The following ASPH variants were observed in gnomAD, a reference collection of about 807,000 sequenced individuals.
ASPH encodes the protein aspartyl/asparaginyl beta-hydroxylase.
Under a neutral mutation model 118.4 loss-of-function variants are expected in ASPH, and 100 were observed. That is an observed-to-expected ratio of 0.84 (90% CI 0.72 to 1.00). The LOEUF (loss-of-function observed/expected upper bound fraction) is 1.00, where lower values mean the gene tolerates loss of function less well. ASPH is among the 50% of genes least tolerant of loss of function. The probability of loss-of-function intolerance (pLI) is 0.00; values close to 1 mark genes in which losing one functional copy is unlikely to be tolerated. For missense variants in ASPH, 920 were observed against 919.5 expected (o/e 1.00, Z -0.01); for synonymous variants, 315 against 325.6 (o/e 0.97, Z 0.35).
At chr8:61,550,407 A>G (rs1357068689) in intron 20 of ASPH, among the ~76,000 whole-genome samples, 2 of 146,882 alleles carry the variant, frequency 1.4e-5, no homozygotes, top group East Asian at 2.0e-4. Context: ...CTTTCTTCCA[A>G]TCGTTGCTAT....
Position 61,562,839 on chromosome 8 carries a change from G to A in ASPH, c.1342C>T (p.Gln448Ter). ...GSLLTLQRLV[Q>*]LFPNDTSLKN... ...AAGGAAGTATCATTGGGAAATAGTT[G>A]AACTAATCTCTGCAGGGTAAGCAGG... Residue 448 changes from glutamine to a stop codon, truncating the protein, a stop_gained, in exon 18 of 25, where the codon CAA becomes TAA. Transcript: ENST00000379454. LOFTEE classifies it high-confidence loss of function. 6.2e-7 allele frequency: 1 copy of A among 1,612,264 alleles called. No homozygotes were observed. Among genetic ancestry groups the A allele is most frequent in the Non-Finnish European group, 8.5e-7 (1 of 1,179,320 alleles).
At chr8:61,573,631 T>C (rs1330151685) in intron 16 of ASPH, among the ~76,000 whole-genome samples, 1 of 152,196 alleles carries the variant, frequency 6.6e-6, no homozygotes, top group East Asian at 1.9e-4. Flanking sequence ...CCCTATTTAA[T>C]AAATGGTATT....
rs1464040379 is a variant in ASPH, at chr8:61,500,972, T to TTAA, written c.*2384_*2386dup. The TTAA allele has an allele frequency of 2.6e-5, 4 of 152,218 alleles. No homozygotes were observed. The highest frequency in any genetic ancestry group is 4.4e-5 in the Non-Finnish European group (3 of 68,036). 9.4% of individuals were successfully genotyped at this position (152,218 alleles called of 1,614,324 possible). A position where few individuals can be genotyped will look rare whatever the true frequency, so the allele number is the denominator to read the frequency against. On this transcript the variant is annotated 3_prime_UTR_variant, in exon 25 of 25. Coordinates refer to ENST00000379454, the MANE Select transcript of ASPH (RefSeq NM_004318.4). ...TCTCTTTCTCAATGGATCTAATGTT[T>TTAA]TAATTTTTTCCCCTATTGGTAGAGA...
chr8:61,652,299 C>A (rs138967854), intron 4 of ASPH, among the ~76,000 whole-genome samples: 2 of 152,286 alleles, frequency 1.3e-5, no homozygotes, highest in African/African-American at 4.8e-5. Context: ...ACTCTGCTCA[C>A]TCTTTAATGG....
chr8:61,714,388 G>T lies in ASPH; in HGVS notation c.-17C>A, dbSNP rs935893460. 2.7e-6 allele frequency: 4 copies of T among 1,480,358 alleles called. No homozygotes were observed. In the Admixed American group the frequency reaches 9.2e-5, roughly 34 times the overall value. 91.7% of individuals were successfully genotyped at this position (1,480,358 alleles called of 1,614,324 possible). ...CTGGGCCATTGCACGGTCCGCGGGG[G>T]CTGGTGAGGGCTGGCGGACCTCCTT... On this transcript the variant is annotated 5_prime_UTR_variant, in exon 1 of 25. Transcript: ENST00000379454.
intron 15 of ASPH, chr8:61,583,271 A>G (rs1838163143): frequency 6.6e-6 from 1 of 151,780 alleles, no homozygotes; most frequent in Non-Finnish European, 1.5e-5. Context: ...TATTATTATT[A>G]TTATTTTAAT....
At chr8:61,618,888 A>G in intron 14 of ASPH, 90 bp downstream of exon 14, 1 of 1,173,830 alleles carries the variant, frequency 8.5e-7, no homozygotes, top group South Asian at 1.5e-5. Context: ...AATTAGTGAC[A>G]TAAAATCATG....
intron 16 of ASPH, among the ~76,000 whole-genome samples, chr8:61,573,610 G>C (rs1240349266): frequency 6.6e-6 from 1 of 152,130 alleles, no homozygotes. Flanking sequence ...ACAAGCAATG[G>C]GGAAAGGATT....
intron 16 of ASPH, among the ~76,000 whole-genome samples, chr8:61,575,937 A>C (rs1211957614): frequency 6.6e-6 from 1 of 152,310 alleles, no homozygotes; most frequent in East Asian, 1.9e-4. Context: ...CAAACCAGCC[A>C]GTCCTAAACT....
At chr8:61,698,066 T>A (rs751200852) in intron 1 of ASPH, among the ~76,000 whole-genome samples, 5 of 152,162 alleles carry the variant, frequency 3.3e-5, no homozygotes, top group Non-Finnish European at 7.4e-5. Context: ...CTTCCCAAAG[T>A]GCTAGGATTA....
intron 15 of ASPH, chr8:61,578,473 A>C: frequency 6.3e-7 from 1 of 1,595,332 alleles, no homozygotes; most frequent in Non-Finnish European, 8.6e-7. Context: ...CCCAACATCC[A>C]GGCTGTGTGC....
chr8:61,540,280 G>A (rs1204418357), intron 21 of ASPH, among the ~76,000 whole-genome samples: 4 of 152,166 alleles, frequency 2.6e-5, no homozygotes. Flanking sequence ...GGCCTGGTGG[G>A]AGGAGATTGG....
At chr8:61,661,630 T>C (rs555469984) in intron 3 of ASPH, 329 of 232,990 alleles carry the variant, frequency 1.4e-3, no homozygotes, top group Non-Finnish European at 1.6e-3. Flanking sequence ...ACATGACAGT[T>C]AACTTAAAAC....
intron 14 of ASPH, among the ~76,000 whole-genome samples, chr8:61,605,415 G>A (rs548544591): frequency 1.3e-5 from 2 of 152,300 alleles, no homozygotes; most frequent in East Asian, 1.9e-4. Flanking sequence ...GAAAAATGCA[G>A]GAGTGCAGGT....
intron 1 of ASPH, among the ~76,000 whole-genome samples, chr8:61,700,569 A>C (rs1198002562): frequency 6.6e-6 from 1 of 152,244 alleles, no homozygotes; most frequent in Non-Finnish European, 1.5e-5. Flanking sequence ...AGATGCCTCA[A>C]TAAAATGGCT....
intron 10 of ASPH, 38 bp downstream of exon 10, chr8:61,642,850 A>C (rs766410663): frequency 6.7e-7 from 1 of 1,500,572 alleles, no homozygotes; most frequent in Admixed American, 2.4e-5. Flanking sequence ...CATCTCAAAA[A>C]AAAAAAGAAA....
chr8:61,621,496 C>T (rs1480708425), intron 13 of ASPH, among the ~76,000 whole-genome samples: 1 of 152,206 alleles, frequency 6.6e-6, no homozygotes, highest in East Asian at 1.9e-4. Flanking sequence ...TTGCTTTATT[C>T]TCTGTACCTA....
At chr8:61,630,742 T>C (rs1855183146) in intron 13 of ASPH, among the ~76,000 whole-genome samples, 1 of 152,202 alleles carries the variant, frequency 6.6e-6, no homozygotes, top group Non-Finnish European at 1.5e-5. Context: ...ATGACAATGA[T>C]AATAAAGGAC....
intron 3 of ASPH, chr8:61,665,290 T>C (rs1205515802): frequency 1.2e-6 from 2 of 1,612,460 alleles, no homozygotes; most frequent in African/African-American, 1.3e-5. Flanking sequence ...TTGTTAAGTG[T>C]GCATATCTGG....
Sources: gnomAD v4.1 joint callset for allele counts (sites outside exome capture counted in the v4.1 genomes callset) on GRCh38, gnomAD v4.1.1 for gene constraint, MANE v1.5 for transcripts, NCBI Gene and HGNC (gene_info 2026-07-23, HGNC 2026-07-21) for gene names.